Variants in CNTN6 observed in about 807,000 individuals in gnomAD.
CNTN6 encodes the protein contactin-6.
In CNTN6, 137 loss-of-function variants were observed where a neutral mutation model predicts 122.8. The observed-to-expected ratio is 1.12, with a 90% CI of 0.97 to 1.29. CNTN6 has a LOEUF of 1.29. Ranked by LOEUF, CNTN6 falls within the 50% of genes most tolerant of loss-of-function variation. The pLI, the probability that CNTN6 is intolerant of heterozygous loss-of-function variation, is 0.00. For missense variants in CNTN6, 1,634 were observed against 1,223.4 expected, an observed-to-expected ratio of 1.34 and a Z score of -5.01; for synonymous variants, 570 against 426.0, an observed-to-expected ratio of 1.34 and a Z score of -4.16.
chr3:1,346,744 G>A (rs115476605), intron 11 of CNTN6, among the ~76,000 whole-genome samples: 115 of 152,190 alleles, frequency 7.6e-4, no homozygotes, highest in African/African-American at 2.7e-3. Flanking sequence ...GGAAAAACGA[G>A]GGTAAAATAT....
At position 1,095,432 on chromosome 3, in the gene CNTN6, T is replaced by C. The variant is rs189807049; in HGVS notation, c.-83+2312T>C. Among the ~76,000 whole-genome samples the C allele has an allele frequency of 1.9e-3, 294 of 152,214 alleles. 1 individual carries two copies. Among genetic ancestry groups the C allele is most frequent in the South Asian group, 7.7e-3 (37 of 4,828 alleles). ...CTTGCAGTGAGCAGAGATCGCGCCA[T>C]TGCCCTCCAGCCTGGGTGACAGAGT... On this transcript the variant is annotated intron_variant, in intron 1 of 22. Transcript: ENST00000446702.
chr3:1,332,696 C>CTTCT, intron 11 of CNTN6, among the ~76,000 whole-genome samples: 1 of 152,094 alleles, frequency 6.6e-6, no homozygotes, highest in Admixed American at 6.6e-5. Context: ...AGTCATTTGT[C>CTTCT]TTCTATAGAA....
At chr3:1,235,507 C>A (rs945608387) in intron 4 of CNTN6, among the ~76,000 whole-genome samples, 3 of 151,666 alleles carry the variant, frequency 2.0e-5, no homozygotes, top group Non-Finnish European at 4.4e-5. Context: ...ATATAATTAT[C>A]TGAATTTATA....
intron 17 of CNTN6, among the ~76,000 whole-genome samples, chr3:1,378,749 T>C (rs529138357): frequency 6.6e-6 from 1 of 152,268 alleles, no homozygotes; most frequent in African/African-American, 2.4e-5. Context: ...AGTGACATCA[T>C]TGGGCAGAGA....
chr3:1,167,834 C>T (rs1431946609), intron 2 of CNTN6, among the ~76,000 whole-genome samples: 2 of 152,180 alleles, frequency 1.3e-5, no homozygotes, highest in Non-Finnish European at 2.9e-5. Flanking sequence ...ATTGAGCACT[C>T]ATATGTGCTT....
At position 1,278,462 on chromosome 3, in the gene CNTN6, A is replaced by G. The variant is rs915995227; in HGVS notation, c.408A>G (p.Glu136=). 4.3e-6 allele frequency: 7 copies of G among 1,612,790 alleles called. No homozygotes were observed. Among genetic ancestry groups the G allele is most frequent in the Non-Finnish European group, 5.9e-6 (7 of 1,179,146 alleles). ...CAAGAAGCACAGTATCTGTCCGAGA[A>G]GGTCAAGGTGTGGTGCTTCTCTGTG... ...TKTRSTVSVR[E]GQGVVLLCGP... The change falls in exon 5 of 23, where the codon GAA becomes GAG. Residue 136 remains glutamate, a synonymous_variant. Transcript: ENST00000446702.
intron 4 of CNTN6, among the ~76,000 whole-genome samples, chr3:1,259,722 T>C (rs766887578): frequency 6.6e-6 from 1 of 152,136 alleles, no homozygotes; most frequent in Non-Finnish European, 1.5e-5. Flanking sequence ...TTCTCATTCA[T>C]GAAACTAGAA....
At chr3:1,360,666 C>T (rs1297309969) in intron 12 of CNTN6, among the ~76,000 whole-genome samples, 1 of 151,616 alleles carries the variant, frequency 6.6e-6, no homozygotes, top group Non-Finnish European at 1.5e-5. Context: ...TGTATCTCAT[C>T]CAGTTTTATG....
intron 2 of CNTN6, among the ~76,000 whole-genome samples, chr3:1,189,113 G>C (rs779850753): frequency 2.6e-5 from 4 of 152,172 alleles, no homozygotes; most frequent in Non-Finnish European, 5.9e-5. Context: ...TAGCTACAAA[G>C]TGTAGCTAGA....
In CNTN6 at chr3:1,245,276, C is replaced by CATATATATATATA. The variant is rs1559596978; in HGVS notation, c.358+17284_358+17285insTATATATATATAA. Reference sequence around the variant, plus strand: ...TATATAACATATATATATATATATACACACACATATATATATAACATATAT... The same window carrying CATATATATATATA: ...TATATAACATATATATATATATATACATATATATATATAACACACATATATATATAACATATAT... On this transcript the variant is annotated intron_variant, in intron 4 of 22. Coordinates refer to ENST00000446702, the MANE Select transcript of CNTN6 (RefSeq NM_001289080.2). 4.4e-3 allele frequency among the ~76,000 whole-genome samples: 31 copies of CATATATATATATA among 7,072 alleles called. 3 individuals carry two copies. The highest frequency in any genetic ancestry group is 8.6e-3 in the Non-Finnish European group (28 of 3,252). 4.6% of individuals were successfully genotyped at this position (7,072 alleles called of 152,430 possible). A position where few individuals can be genotyped will look rare whatever the true frequency, so the allele number is the denominator to read the frequency against.
chr3:1,363,123 G>T (rs1278908896), intron 12 of CNTN6, among the ~76,000 whole-genome samples: 3 of 151,856 alleles, frequency 2.0e-5, no homozygotes, highest in Middle Eastern at 6.4e-3. Flanking sequence ...ATATATTTAA[G>T]GGGTACAACA....
In CNTN6 at chr3:1,278,483, CTG is replaced by C. The variant is rs1559688952; in HGVS notation, c.432_433del (p.Cys144TrpfsTer17). On this transcript the variant is annotated frameshift_variant, in exon 5 of 23. Coordinates refer to ENST00000446702, the MANE Select transcript of CNTN6 (RefSeq NM_001289080.2). LOFTEE classifies it high-confidence loss of function. ...GAGAAGGTCAAGGTGTGGTGCTTCT[CTG>C]TGGCCCACCGCCACATTTTGGAGGT... ...VREGQGVVLL[C>X]GPPPHFGDLS... is the part of the protein sequence containing the mutation. 1 of 1,612,276 alleles carries C rather than the reference CTG, an allele frequency of 6.2e-7. No homozygotes were observed. Among genetic ancestry groups the C allele is most frequent in the East Asian group, 2.2e-5 (1 of 44,834 alleles).
chr3:1,111,858 C>A (rs2091495674), intron 1 of CNTN6, among the ~76,000 whole-genome samples: 1 of 152,000 alleles, frequency 6.6e-6, no homozygotes, highest in Non-Finnish European at 1.5e-5. Context: ...TGGTAGTATG[C>A]TTGTTGTAAG....
chr3:1,352,704 T>C (rs555696333), intron 12 of CNTN6, among the ~76,000 whole-genome samples: 19 of 151,828 alleles, frequency 1.3e-4, no homozygotes, highest in Non-Finnish European at 2.8e-4. Flanking sequence ...TACACCTAAA[T>C]TATTTGGCTT....
chr3:1,187,826 G>A (rs1476525928), intron 2 of CNTN6, among the ~76,000 whole-genome samples: 2 of 152,200 alleles, frequency 1.3e-5, no homozygotes, highest in East Asian at 3.9e-4. Flanking sequence ...ATGGATGGCA[G>A]GGACCCTGTG....
chr3:1,148,369 GTAAT>G (rs1475140249), intron 2 of CNTN6, among the ~76,000 whole-genome samples: 6 of 151,498 alleles, frequency 4.0e-5, no homozygotes, highest in Non-Finnish European at 7.4e-5. Context: ...ATAAAAGAAT[GTAAT>G]TAAATATTTT....
intron 4 of CNTN6, among the ~76,000 whole-genome samples, chr3:1,245,266 T>TA (rs1426151182): frequency 2.0e-4 from 1 of 5,110 alleles, no homozygotes. Flanking sequence ...AACATATATA[T>TA]ATATATATAC....
At chr3:1,259,300 G>C (rs1211943214) in intron 4 of CNTN6, among the ~76,000 whole-genome samples, 1 of 152,076 alleles carries the variant, frequency 6.6e-6, no homozygotes, top group East Asian at 1.9e-4. Context: ...AAGGGCATTT[G>C]AACTCAGGCT....
intron 5 of CNTN6, among the ~76,000 whole-genome samples, chr3:1,282,978 A>T (rs1403715179): frequency 6.6e-6 from 1 of 151,276 alleles, no homozygotes; most frequent in Non-Finnish European, 1.5e-5. Context: ...ACAACACAAA[A>T]CTCTTTTTTT....
Sources: allele counts gnomAD v4.1 joint callset (sites outside exome capture counted in the v4.1 genomes callset), GRCh38; gene constraint gnomAD v4.1.1; transcripts MANE v1.5; gene names NCBI Gene and HGNC (gene_info 2026-07-23, HGNC 2026-07-21).